CSMD1: variants seen among roughly 807,000 people sequenced by gnomAD.
The protein encoded by CSMD1 is CUB and sushi domain-containing protein 1.
In CSMD1, 213 loss-of-function variants were observed where a neutral mutation model predicts 417.5. The observed-to-expected ratio is 0.51, with a 90% CI of 0.46 to 0.57. The LOEUF is 0.57. Among genes scored for constraint, CSMD1 ranks in the 20% least tolerant of loss-of-function variants. The pLI is 0.00. For synonymous variants in CSMD1, 2,862 were observed against 1,736.8 expected, an observed-to-expected ratio of 1.65 and a Z score of -16.11; for missense variants, 6,923 against 4,529.7, an observed-to-expected ratio of 1.53 and a Z score of -15.17.
intron 46 of CSMD1, among the ~76,000 whole-genome samples, chr8:3,103,467 G>C (rs1395312461): frequency 1.3e-5 from 2 of 152,062 alleles, no homozygotes; most frequent in Non-Finnish European, 2.9e-5. Context: ...GTAGGCAACT[G>C]GAACACAAGG....
At chr8:3,216,287 A>G (rs1299346672) in intron 29 of CSMD1, among the ~76,000 whole-genome samples, 2 of 152,078 alleles carry the variant, frequency 1.3e-5, no homozygotes, top group African/African-American at 4.8e-5. Flanking sequence ...AAATAAGTAA[A>G]CCTGTAAGTA....
chr8:3,358,669 G>T (rs557959824), intron 21 of CSMD1, among the ~76,000 whole-genome samples: 1 of 152,112 alleles, frequency 6.6e-6, no homozygotes. Flanking sequence ...GATGCCTCTT[G>T]TGCCCACTTA....
chr8:3,937,042 A>G (rs1810546151), intron 5 of CSMD1, among the ~76,000 whole-genome samples: 1 of 152,202 alleles, frequency 6.6e-6, no homozygotes, highest in Non-Finnish European at 1.5e-5. Flanking sequence ...AACTTCAGAC[A>G]TGTTGAAAAC....
chr8:3,157,485 A>G (rs59656008), intron 39 of CSMD1, among the ~76,000 whole-genome samples: 1,744 of 152,304 alleles, frequency 0.011, 37 homozygotes, highest in African/African-American at 0.039. Flanking sequence ...TCACTCCATC[A>G]GTAATCTGTC....
At chr8:3,752,617 G>A (rs966258351) in intron 6 of CSMD1, among the ~76,000 whole-genome samples, 2 of 134,868 alleles carry the variant, frequency 1.5e-5, no homozygotes, top group Admixed American at 1.7e-4. Flanking sequence ...CTGCACCACT[G>A]CACTCCAGCC....
At chr8:4,855,501 A>C (rs981141673) in intron 1 of CSMD1, among the ~76,000 whole-genome samples, 2 of 152,256 alleles carry the variant, frequency 1.3e-5, no homozygotes, top group East Asian at 1.9e-4. Flanking sequence ...AAGGCAAAGA[A>C]GTTGAAAACT....
At chr8:3,940,669 C>A (rs542403987) in intron 5 of CSMD1, among the ~76,000 whole-genome samples, 2 of 151,854 alleles carry the variant, frequency 1.3e-5, no homozygotes, top group South Asian at 4.2e-4. Flanking sequence ...TAGATGTTCC[C>A]AAATTTCTAT....
intron 3 of CSMD1, among the ~76,000 whole-genome samples, chr8:4,177,493 T>G (rs1036065455): frequency 5.9e-5 from 9 of 151,870 alleles, no homozygotes; most frequent in Admixed American, 1.3e-4. Flanking sequence ...GATCCAAAAT[T>G]GACACCCGAA....
chr8:4,723,646 T>C lies in CSMD1; in HGVS notation c.86-86088A>G, dbSNP rs139758446. Among the ~76,000 whole-genome samples the C allele has an allele frequency of 4.2e-3, 646 of 152,208 alleles. 3 individuals carry two copies. The highest frequency in any genetic ancestry group is 0.017 in the Middle Eastern group (5 of 294). ...TAGCAGTTTGTTTAGCTAATGACCT[T>C]ACATATGTATCTTTCTCAGTTTTTA... is the stretch of plus-strand genomic sequence containing the variant. On this transcript the variant is annotated intron_variant, in intron 1 of 69. Transcript: ENST00000635120.
intron 11 of CSMD1, among the ~76,000 whole-genome samples, chr8:3,482,738 G>A (rs916631039): frequency 3.9e-5 from 6 of 152,092 alleles, no homozygotes. Context: ...CCAGATAATA[G>A]ATCTTGACAT....
chr8:4,047,943 TATA>T (rs1798233630), intron 3 of CSMD1, among the ~76,000 whole-genome samples: 1 of 152,202 alleles, frequency 6.6e-6, no homozygotes, highest in African/African-American at 2.4e-5. Context: ...TTCCCAAAAA[TATA>T]ATGTCATGTT....
chr8:4,819,018 T>C (rs2117375521), intron 1 of CSMD1, among the ~76,000 whole-genome samples: 1 of 152,252 alleles, frequency 6.6e-6, no homozygotes, highest in African/African-American at 2.4e-5. Flanking sequence ...GTTTCATGGC[T>C]GGTGAGGAAT....
At chr8:3,841,098 T>C (rs758985159) in intron 5 of CSMD1, among the ~76,000 whole-genome samples, 3 of 151,992 alleles carry the variant, frequency 2.0e-5, no homozygotes, top group Non-Finnish European at 4.4e-5. Flanking sequence ...AAGTATTAAA[T>C]AGAACTTTTC....
chr8:4,750,525 T>C (rs1422683301), intron 1 of CSMD1, among the ~76,000 whole-genome samples: 1 of 152,178 alleles, frequency 6.6e-6, no homozygotes, highest in Non-Finnish European at 1.5e-5. Flanking sequence ...GTTAAGATTT[T>C]CCTATATTTT....
At chr8:4,270,395 C>T (rs1261743127) in intron 3 of CSMD1, among the ~76,000 whole-genome samples, 2 of 152,156 alleles carry the variant, frequency 1.3e-5, no homozygotes, top group African/African-American at 4.8e-5. Context: ...CATGATCTCC[C>T]TCGGCCACAC....
intron 2 of CSMD1, among the ~76,000 whole-genome samples, chr8:4,502,984 A>G (rs1049895046): frequency 3.3e-5 from 5 of 152,182 alleles, no homozygotes; most frequent in Non-Finnish European, 5.9e-5. Context: ...CTGAAAATCA[A>G]TATTTTCTGG....
chr8:4,663,971 G>T (rs549519889), intron 1 of CSMD1, among the ~76,000 whole-genome samples: 1 of 152,160 alleles, frequency 6.6e-6, no homozygotes, highest in African/African-American at 2.4e-5. Context: ...TAAGACTGAG[G>T]AAGTGGCTCC....
At chr8:3,053,949 A>C (rs1478583162) in intron 49 of CSMD1, among the ~76,000 whole-genome samples, 1 of 152,258 alleles carries the variant, frequency 6.6e-6, no homozygotes, top group African/African-American at 2.4e-5. Flanking sequence ...TCTAATGAGA[A>C]TATCTGTGTA....
intron 3 of CSMD1, among the ~76,000 whole-genome samples, chr8:4,057,682 C>A: frequency 6.6e-6 from 1 of 151,538 alleles, no homozygotes; most frequent in Non-Finnish European, 1.5e-5. Flanking sequence ...ACGTTTAAGT[C>A]TTTAATCTAT....
Sources: allele counts gnomAD v4.1 joint callset (sites outside exome capture counted in the v4.1 genomes callset), GRCh38; gene constraint gnomAD v4.1.1; transcripts MANE v1.5; gene names NCBI Gene and HGNC (gene_info 2026-07-23, HGNC 2026-07-21).